The following PSD variants were observed in gnomAD, a reference collection of about 807,000 sequenced individuals.
PSD encodes the protein PH and SEC7 domain-containing protein 1.
A neutral mutation model predicts 91.6 loss-of-function variants in PSD; 32 were observed. The ratio of observed to expected loss-of-function variants is 0.35; its 90% CI spans 0.26 to 0.47. PSD has a LOEUF of 0.47. Among genes scored for constraint, PSD ranks in the 20% least tolerant of loss-of-function variants. The pLI is 1.00. For synonymous variants in PSD, 532 were observed against 569.3 expected (o/e 0.93, Z 0.93); for missense variants, 1,099 against 1,373.9 (o/e 0.80, Z 3.16).
At chr10:102,406,588 A>G (rs971008923) in intron 11 of PSD, among the ~76,000 whole-genome samples, 2 of 151,240 alleles carry the variant, frequency 1.3e-5, no homozygotes, top group African/African-American at 2.4e-5. Flanking sequence ...GCTCACTGCA[A>G]GCTCCACCTC....
In PSD at chr10:102,416,264, A is replaced by G; in HGVS notation, c.654+121T>C. The stretch of plus-strand genomic sequence containing the variant: ...CAGAGACAAACACAGAGGGCAAGAG[A>G]GAGGCAGATTTAGAACAGATTAAAG... On this transcript the variant is annotated intron_variant, in intron 2 of 16. Coordinates refer to ENST00000020673, the MANE Select transcript of PSD (RefSeq NM_002779.5). The surrounding 1 kb of genome is among the most constrained non-coding windows in gnomAD (Gnocchi z 6.0). The G allele has an allele frequency of 7.7e-7, 1 of 1,300,384 alleles. No homozygotes were observed. The highest frequency in any genetic ancestry group is 2.5e-5 in the East Asian group (1 of 39,654). 80.6% of individuals were successfully genotyped at this position (1,300,384 alleles called of 1,614,324 possible).
At position 102,416,808 on chromosome 10, in the gene PSD, A is replaced by G; in HGVS notation, c.231T>C (p.Arg77=). 6.3e-7 allele frequency: 1 copy of G among 1,598,394 alleles called. No individual in the cohort carries two copies. The highest frequency in any genetic ancestry group is 8.5e-7 in the Non-Finnish European group (1 of 1,171,910). ...AGGGTGCCCAGGGTGAGGGAGCAAC[A>G]CGGGGTGAGGGGGGGCCACGCAGAG... is the stretch of plus-strand genomic sequence containing the variant. The part of the protein sequence containing the change: ...CTPLRGPPSP[R]VAPSPWAPSS... Residue 77 remains arginine (R), a synonymous_variant, in exon 2 of 17, where the codon CGT becomes CGC. Transcript: ENST00000020673. This position sits in a 1 kb window ranked among gnomAD's most constrained non-coding sequence, Gnocchi z 6.0.
chr10:102,417,251 G>C, intron 1 of PSD, 130 bp from the exon 2 acceptor site: 1 of 546,168 alleles, frequency 1.8e-6, no homozygotes, highest in Non-Finnish European at 3.2e-6. Context: ...GGTAATATGG[G>C]ATCATTGATC....
chr10:102,413,652 C>A, intron 5 of PSD, 117 bp downstream of exon 5: 1 of 1,078,580 alleles, frequency 9.3e-7, no homozygotes, highest in East Asian at 2.4e-5. Flanking sequence ...CCCTTAACCA[C>A]CCCTACTCAG....
In PSD at chr10:102,417,018, G is replaced by C. The variant is rs771086603; in HGVS notation, c.21C>G (p.Arg7=). 1 of 1,578,612 alleles carries C rather than the reference G, an allele frequency of 6.3e-7. No individual in the cohort carries two copies. Among genetic ancestry groups the C allele is most frequent in the South Asian group, 1.1e-5 (1 of 89,288 alleles). The change falls in exon 2 of 17, where the codon CGC becomes CGG. Residue 7 remains arginine (R), a synonymous_variant. Coordinates refer to ENST00000020673, the MANE Select transcript of PSD (RefSeq NM_002779.5). MAQGAM[R]FCSEGDCAIS... is the part of the protein sequence containing the mutation. The stretch of plus-strand genomic sequence containing the variant: ...TGGCACAGTCGCCTTCCGAGCAGAA[G>C]CGCATGGCACCCTGGGCCATGCTGG...
Position 102,414,780 on chromosome 10 carries a change from T to C in PSD, c.1124+83A>G. 3.4e-6 allele frequency: 5 copies of C among 1,462,646 alleles called. No homozygotes were observed. Among genetic ancestry groups the C allele is most frequent in the Admixed American group, 2.3e-5 (1 of 43,392 alleles). 90.6% of individuals were successfully genotyped at this position (1,462,646 alleles called of 1,614,324 possible). A position where few individuals can be genotyped will look rare whatever the true frequency, so the allele number is the denominator to read the frequency against. ...CACACCCATCTCTATCCCAGGCCCT[T>C]TGAGCCCGGCTCTGCCTGTGGGCCA... On this transcript the variant is annotated intron_variant, in intron 4 of 16. Transcript: ENST00000020673. This position sits in a 1 kb window ranked among gnomAD's most constrained non-coding sequence, Gnocchi z 5.6.
chr10:102,416,318 T>C lies in PSD; in HGVS notation c.654+67A>G. The stretch of plus-strand genomic sequence containing the variant: ...TCAGAGTGAACAGCAGACAAGCCCA[T>C]GTCTGACAGGAGGCTGAGCCTTGCC... On this transcript the variant is annotated intron_variant, in intron 2 of 16. Transcript: ENST00000020673. This position sits in a 1 kb window ranked among gnomAD's most constrained non-coding sequence, Gnocchi z 6.0. 1 of 1,517,684 alleles carries C rather than the reference T, an allele frequency of 6.6e-7. No individual in the cohort carries two copies. The highest frequency in any genetic ancestry group is 2.4e-5 in the East Asian group (1 of 41,650). 94.0% of individuals were successfully genotyped at this position (1,517,684 alleles called of 1,614,324 possible).
At position 102,416,865 on chromosome 10, in the gene PSD, C is replaced by T; in HGVS notation, c.174G>A (p.Arg58=). Residue 58 remains arginine (R), a synonymous_variant, in exon 2 of 17, where the codon CGG becomes CGA. Transcript: ENST00000020673. The surrounding 1 kb of genome is among the most constrained non-coding windows in gnomAD (Gnocchi z 6.0). ...RRVAGPGPRG[R]ELGRVTAPCT... ...AGGGTGCTGTCACACGTCCCAGTTC[C>T]CGGCCTCGAGGACCTGGACCTGCCA... 2 of 1,600,358 alleles carry T rather than the reference C, an allele frequency of 1.2e-6. No individual in the cohort carries two copies. Among genetic ancestry groups the T allele is most frequent in the South Asian group, 2.2e-5 (2 of 89,092 alleles).
At chr10:102,406,559 G>A (rs1378262430) in intron 11 of PSD, among the ~76,000 whole-genome samples, 1 of 150,054 alleles carries the variant, frequency 6.7e-6, no homozygotes, top group Admixed American at 6.6e-5. Context: ...CCAGGCTGGA[G>A]TGCAGTGGCG....
chr10:102,418,169 G>GACAC (rs140673906), intron 1 of PSD, among the ~76,000 whole-genome samples: 12 of 147,580 alleles, frequency 8.1e-5, no homozygotes, highest in East Asian at 5.9e-4. Context: ...CACACACACA[G>GACAC]ACACACACAC....
intron 5 of PSD, 97 bp downstream of exon 5, chr10:102,413,672 A>C: frequency 7.7e-7 from 1 of 1,306,488 alleles, no homozygotes; most frequent in Non-Finnish European, 1.1e-6. Flanking sequence ...GGGGTCAGGA[A>C]TATAAACCAA....
chr10:102,408,336 A>G (rs1439372581), intron 10 of PSD, among the ~76,000 whole-genome samples: 1 of 152,218 alleles, frequency 6.6e-6, no homozygotes, highest in Non-Finnish European at 1.5e-5. Flanking sequence ...CCCAGCCACA[A>G]GGCAAACCAG....
chr10:102,418,163 C>T (rs1330382971), intron 1 of PSD, among the ~76,000 whole-genome samples: 1 of 151,060 alleles, frequency 6.6e-6, no homozygotes, highest in Non-Finnish European at 1.5e-5. Flanking sequence ...CTCTGGCACA[C>T]ACACAGACAC....
rs758405444 is a variant in PSD at position 102,405,454 on chromosome 10, C to T, written c.2218G>A (p.Gly740Ser). 1.2e-6 allele frequency: 2 copies of T among 1,613,990 alleles called. No homozygotes were observed. The highest frequency in any genetic ancestry group is 8.5e-7 in the Non-Finnish European group (1 of 1,179,992). Reference sequence around the variant, plus strand: ...TCCAGGAAAGGGCTGGAGCCACTGCCACTGCCCCCGCTGATCCGCTTGATG... The same window carrying T: ...TCCAGGAAAGGGCTGGAGCCACTGCTACTGCCCCCGCTGATCCGCTTGATG... ...KVIKRISGGSGSGSSPFLDLT... is the reference protein window; with the variant it reads ...KVIKRISGGSSSGSSPFLDLT... Residue 740 changes from glycine (G) to serine (S), a missense_variant, in exon 12 of 17, where the codon GGC becomes AGC. By Grantham distance (56) the Gly-to-Ser change is moderately conservative. Transcript: ENST00000020673. This position sits in a 1 kb window ranked among gnomAD's most constrained non-coding sequence, Gnocchi z 5.4.
In PSD at chr10:102,403,635, G is replaced by A. The variant is rs2061314083; in HGVS notation, c.2845-205C>T. ...TAATGTGTCTTGAGCCTTTACTAGA[G>A]CTGGGGAAATGGCACGCTTGAGACA... is the stretch of plus-strand genomic sequence containing the variant. On this transcript the variant is annotated intron_variant, in intron 16 of 16. Coordinates refer to ENST00000020673, the MANE Select transcript of PSD (RefSeq NM_002779.5). The surrounding 1 kb of genome is among the most constrained non-coding windows in gnomAD (Gnocchi z 6.7). 6.6e-6 allele frequency among the ~76,000 whole-genome samples: 1 copy of A among 152,196 alleles called. No individual in the cohort carries two copies.
intron 11 of PSD, among the ~76,000 whole-genome samples, chr10:102,406,816 T>C (rs750981809): frequency 2.2e-4 from 34 of 152,222 alleles, no homozygotes. Context: ...AGTATCTATG[T>C]TTCTATTGGA....
rs2061399451 is a variant in PSD at position 102,409,197 on chromosome 10, A to AGCGGC, written c.2091+1656_2091+1660dup. On this transcript the variant is annotated intron_variant, in intron 10 of 16. Coordinates refer to ENST00000020673, the MANE Select transcript of PSD (RefSeq NM_002779.5). The surrounding 1 kb of genome is among the most constrained non-coding windows in gnomAD (Gnocchi z 5.7). ...GACCGCTCCCCCGACAGCCAGCGCG[A>AGCGGC]GCGGCGCGGCCCGGCCCGAGCCGGC... is the stretch of plus-strand genomic sequence containing the variant. 4 of 981,462 alleles carry AGCGGC rather than the reference A, an allele frequency of 4.1e-6. No homozygotes were observed. The highest frequency in any genetic ancestry group is 2.4e-6 in the Non-Finnish European group (2 of 828,532). The allele number at this position is 981,462 out of a possible 1,614,324, so 60.8% of individuals were successfully genotyped here.
In PSD at chr10:102,404,956, T is replaced by G. The variant is rs755802317; in HGVS notation, c.2497A>C (p.Arg833=). 1 of 1,614,072 alleles carries G rather than the reference T, an allele frequency of 6.2e-7. No homozygotes were observed. The highest frequency in any genetic ancestry group is 8.5e-7 in the Non-Finnish European group (1 of 1,179,988). ...GTGCGCAGGTAGAAGACGTGGGGCC[T>G]CTTGCTGTAGTCACTGGCACGAGTG... ...LATRASDYSK[R]PHVFYLRTAD... The change falls in exon 14 of 17, where the codon AGG becomes CGG. Residue 833 remains arginine, a synonymous_variant. Coordinates refer to ENST00000020673, the MANE Select transcript of PSD (RefSeq NM_002779.5). This position sits in a 1 kb window ranked among gnomAD's most constrained non-coding sequence, Gnocchi z 5.7.
upstream of PSD, chr10:102,418,958 A>G (rs1284713933): frequency 3.0e-6 from 1 of 331,494 alleles, no homozygotes; most frequent in Non-Finnish European, 5.9e-6. Flanking sequence ...GACCCGCCCC[A>G]GACAAGGAGG....
Sources: gnomAD v4.1 joint callset for allele counts (sites outside exome capture counted in the v4.1 genomes callset) on GRCh38, gnomAD v4.1.1 for gene constraint, Gnocchi (gnomAD v3.1) non-coding constraint, MANE v1.5 for transcripts, NCBI Gene and HGNC (gene_info 2026-07-23, HGNC 2026-07-21) for gene names.